The following FBLN1 variants were observed in gnomAD, a reference collection of about 807,000 sequenced individuals.
The protein encoded by FBLN1 is fibulin-1.
Under a neutral mutation model 89.7 loss-of-function variants are expected in FBLN1, and 34 were observed. The observed-to-expected ratio is 0.38, with a 90% CI of 0.29 to 0.50. FBLN1 has a LOEUF of 0.50. Ranked by LOEUF, FBLN1 falls within the 20% of genes least tolerant of loss-of-function variation. The pLI is 0.92. For missense variants in FBLN1, 777 were observed against 988.1 expected (o/e 0.79, Z 2.86); for synonymous variants, 393 against 391.3 (o/e 1.00, Z -0.05).
rs1456708351 is a variant in FBLN1, at chr22:45,527,712, C to T, written c.322-135C>T. ...TGTTGCTGACATTTAGAAGTGGTAT[C>T]TAAGCCAGACTTGAGTCATCACTCT... On this transcript the variant is annotated intron_variant, in intron 3 of 16. Coordinates refer to ENST00000327858, the MANE Select transcript of FBLN1 (RefSeq NM_006486.3). The T allele has an allele frequency of 1.2e-5, 10 of 857,560 alleles. No individual in the cohort carries two copies. In the East Asian group the frequency reaches 2.5e-4, roughly 22 times the overall value. 53.1% of individuals were successfully genotyped at this position (857,560 alleles called of 1,614,324 possible).
At chr22:45,596,023 C>G (rs1475599279) in intron 16 of FBLN1, among the ~76,000 whole-genome samples, 1 of 152,182 alleles carries the variant, frequency 6.6e-6, no homozygotes, top group Non-Finnish European at 1.5e-5. Flanking sequence ...GCGTGTCCCA[C>G]CACGCTCGGC....
rs1329419155 is a variant in FBLN1, at chr22:45,525,596, C to T, written c.239C>T (p.Thr80Met). ...HSQLEELHCA[T>M]GISLANEQDR... ...CAGCTGGAGGAGCTGCACTGTGCCA[C>T]GGGCATCAGCCTGGCCAACGAGCAG... The change falls in exon 3 of 17, where the codon ACG becomes ATG. Residue 80 changes from threonine to methionine, a missense_variant. Physicochemically the swap from Thr to Met is moderately conservative, Grantham distance 81 (BLOSUM62 -1). Coordinates refer to ENST00000327858, the MANE Select transcript of FBLN1 (RefSeq NM_006486.3). The T allele has an allele frequency of 1.5e-5, 23 of 1,550,512 alleles. No homozygotes were observed. The Admixed American group carries it at 1.8e-4, about 12-fold the overall frequency.
chr22:45,548,403 T>C (rs2088658528), intron 12 of FBLN1, among the ~76,000 whole-genome samples: 1 of 152,200 alleles, frequency 6.6e-6, no homozygotes, highest in African/African-American at 2.4e-5. Flanking sequence ...GCCCGCCACA[T>C]GCATACTTCA....
In FBLN1 at chr22:45,557,926, A is replaced by G. The variant is rs977814623; in HGVS notation, c.1697+7311A>G. ...AGGTGCATTGCTTGAAGTTCTGCCC[A>G]CTGGGAAGATTTCCCTTTGCCACTG... On this transcript the variant is annotated intron_variant, in intron 14 of 16. Coordinates refer to ENST00000327858, the MANE Select transcript of FBLN1 (RefSeq NM_006486.3). The surrounding 1 kb of genome is among the most constrained non-coding windows in gnomAD (Gnocchi z 4.9). 1.7e-5 allele frequency: 11 copies of G among 628,954 alleles called. No homozygotes were observed. Among genetic ancestry groups the G allele is most frequent in the Non-Finnish European group, 3.0e-6 (1 of 336,174 alleles). 39.0% of individuals were successfully genotyped at this position (628,954 alleles called of 1,614,324 possible).
At chr22:45,518,455 A>G (rs2088200459) in intron 1 of FBLN1, 1 of 597,344 alleles carries the variant, frequency 1.7e-6, no homozygotes, top group Non-Finnish European at 3.1e-6. Flanking sequence ...CTGGATTCAG[A>G]TGGGGGAGGA....
chr22:45,532,842 G>C lies in FBLN1; in HGVS notation c.545-221G>C, dbSNP rs541386728. On this transcript the variant is annotated intron_variant, in intron 5 of 16. Transcript: ENST00000327858. The surrounding 1 kb of genome is among the most constrained non-coding windows in gnomAD (Gnocchi z 4.2). ...ACCCTGCACACCACCTGATTTTCCA[G>C]ACGGGGAGGTTGGGACCTGAAGCAG... 1 of 602,284 alleles carries C rather than the reference G, an allele frequency of 1.7e-6. No homozygotes were observed. Among genetic ancestry groups the C allele is most frequent in the Non-Finnish European group, 3.0e-6 (1 of 336,920 alleles). The allele number at this position is 602,284 out of a possible 1,614,324, so 37.3% of individuals were successfully genotyped here.
chr22:45,597,276 C>G lies in FBLN1; in HGVS notation c.1973-3031C>G, dbSNP rs941002911. Reference sequence around the variant, plus strand: ...TAAGCCTCCCAAAGTGCTGGGATTACAAGCGTGAGCCACTGCACCCAGCTG... The same window carrying G: ...TAAGCCTCCCAAAGTGCTGGGATTAGAAGCGTGAGCCACTGCACCCAGCTG... On this transcript the variant is annotated intron_variant, in intron 16 of 16. Coordinates refer to ENST00000327858, the MANE Select transcript of FBLN1 (RefSeq NM_006486.3). This position sits in a 1 kb window ranked among gnomAD's most constrained non-coding sequence, Gnocchi z 4.2. 1.3e-5 allele frequency among the ~76,000 whole-genome samples: 2 copies of G among 152,234 alleles called. No individual in the cohort carries two copies. Among genetic ancestry groups the G allele is most frequent in the Non-Finnish European group, 2.9e-5 (2 of 68,046 alleles).
intron 14 of FBLN1, among the ~76,000 whole-genome samples, chr22:45,567,813 C>T (rs1215379179): frequency 2.0e-5 from 3 of 152,038 alleles, no homozygotes; most frequent in Non-Finnish European, 2.9e-5. Context: ...GGCATCTGTG[C>T]AGGAAAAAAC....
chr22:45,521,098 G>C (rs1323497985), intron 2 of FBLN1, among the ~76,000 whole-genome samples: 1 of 152,240 alleles, frequency 6.6e-6, no homozygotes, highest in African/African-American at 2.4e-5. Context: ...TTATGGGCAT[G>C]AGCCACTGCG....
At chr22:45,546,007 G>A (rs1490683521) in intron 11 of FBLN1, among the ~76,000 whole-genome samples, 1 of 152,082 alleles carries the variant, frequency 6.6e-6, no homozygotes, top group African/African-American at 2.4e-5. Context: ...AATTAGCCGG[G>A]CATGGTGGTG....
Position 45,583,306 on chromosome 22 carries a change from G to A in FBLN1, c.1972+6198G>A, listed in dbSNP as rs1430854400. ...TGAAGGGTTTGGGTCCTCAGCTCCT[G>A]GCCGGGGCAAGTCTGGCCAAGCAGC... On this transcript the variant is annotated intron_variant, in intron 16 of 16. Coordinates refer to ENST00000327858, the MANE Select transcript of FBLN1 (RefSeq NM_006486.3). The surrounding 1 kb of genome is among the most constrained non-coding windows in gnomAD (Gnocchi z 4.5). 6.6e-6 allele frequency among the ~76,000 whole-genome samples: 1 copy of A among 151,758 alleles called. No individual in the cohort carries two copies. Among genetic ancestry groups the A allele is most frequent in the Non-Finnish European group, 1.5e-5 (1 of 67,744 alleles).
chr22:45,543,546 C>T lies in FBLN1; in HGVS notation c.1321+20C>T, dbSNP rs753145561. The T allele has an allele frequency of 1.1e-5, 17 of 1,610,980 alleles. No individual in the cohort carries two copies. Among genetic ancestry groups the T allele is most frequent in the East Asian group, 2.2e-5 (1 of 44,848 alleles). ...GTGAAGGTGAGGCTGGGGCCCCGTC[C>T]ACTCACCTCCCCCAGGTCACCTTCC... On this transcript the variant is annotated intron_variant, in intron 11 of 16. Coordinates refer to ENST00000327858, the MANE Select transcript of FBLN1 (RefSeq NM_006486.3).
rs551304361 is a variant in FBLN1 at position 45,545,945 on chromosome 22, C to T, written c.1322-1140C>T. Among the ~76,000 whole-genome samples the T allele has an allele frequency of 2.6e-5, 4 of 151,998 alleles. No homozygotes were observed. The highest frequency in any genetic ancestry group is 7.2e-5 in the African/African-American group (3 of 41,380). The stretch of plus-strand genomic sequence containing the variant: ...GGTGGATTACTTGAGGTCAGGAGTT[C>T]GAGACCAGTATGGCCAACATCGTGA... On this transcript the variant is annotated intron_variant, in intron 11 of 16. Coordinates refer to ENST00000327858, the MANE Select transcript of FBLN1 (RefSeq NM_006486.3). The surrounding 1 kb of genome is among the most constrained non-coding windows in gnomAD (Gnocchi z 5.9).
chr22:45,503,935 C>G (rs930208644), intron 1 of FBLN1, among the ~76,000 whole-genome samples: 1 of 152,152 alleles, frequency 6.6e-6, no homozygotes, highest in African/African-American at 2.4e-5. Context: ...GCCACGAGGT[C>G]CTCTGATCAG....
In FBLN1 at chr22:45,597,901, C is replaced by T. The variant is rs904335791; in HGVS notation, c.1973-2406C>T. Among the ~76,000 whole-genome samples the T allele has an allele frequency of 1.3e-5, 2 of 152,138 alleles. No homozygotes were observed. The highest frequency in any genetic ancestry group is 2.1e-4 in the South Asian group (1 of 4,826). On this transcript the variant is annotated intron_variant, in intron 16 of 16. Transcript: ENST00000327858. This position sits in a 1 kb window ranked among gnomAD's most constrained non-coding sequence, Gnocchi z 4.2. ...AAGCCCAGAGAGCGAAAGGGGGGAA[C>T]GTTGTGCCCAGATTCTCTTTCTGAG... is the stretch of plus-strand genomic sequence containing the variant.
intron 14 of FBLN1, among the ~76,000 whole-genome samples, chr22:45,568,590 GGGGAATGCTCCTTCTGTAA>G (rs144028244): frequency 0.16 from 9,621 of 59,662 alleles, 726 homozygotes; most frequent in Admixed American, 0.18. Context: ...TGCTCCTGTA[GGGGAATGCTCCTTCTGTAA>G]GGGAATGCTC....
In FBLN1 at chr22:45,537,736, A is replaced by C. The variant is rs899285974; in HGVS notation, c.922+2399A>C. Among the ~76,000 whole-genome samples, 1 of 151,802 alleles carries C rather than the reference A, an allele frequency of 6.6e-6. No homozygotes were observed. Reference sequence around the variant, plus strand: ...CAGCTTCCCTGTCATCCCCTGGGGGAGACTTCTGAGCTGGGGCGCTGTGGC... The same window carrying C: ...CAGCTTCCCTGTCATCCCCTGGGGGCGACTTCTGAGCTGGGGCGCTGTGGC... On this transcript the variant is annotated intron_variant, in intron 8 of 16. Coordinates refer to ENST00000327858, the MANE Select transcript of FBLN1 (RefSeq NM_006486.3). This position sits in a 1 kb window ranked among gnomAD's most constrained non-coding sequence, Gnocchi z 5.7.
At chr22:45,526,886 A>C (rs1299859105) in intron 3 of FBLN1, among the ~76,000 whole-genome samples, 2 of 149,340 alleles carry the variant, frequency 1.3e-5, no homozygotes, top group East Asian at 2.0e-4. Context: ...TCGGTCCGGC[A>C]CACAGCTGTG....
intron 4 of FBLN1, 46 bp downstream of exon 4, chr22:45,528,055 T>G (rs1411679264): frequency 1.3e-6 from 2 of 1,595,236 alleles, no homozygotes; most frequent in African/African-American, 2.7e-5. Context: ...ATTAAGGTTC[T>G]CCGGGATGTG....
Sources: gnomAD v4.1 joint callset for allele counts (sites outside exome capture counted in the v4.1 genomes callset) on GRCh38, gnomAD v4.1.1 for gene constraint, Gnocchi (gnomAD v3.1) non-coding constraint, MANE v1.5 for transcripts, NCBI Gene and HGNC (gene_info 2026-07-23, HGNC 2026-07-21) for gene names.